The following PXDNL variants were observed in gnomAD, a reference collection of about 807,000 sequenced individuals.
The protein encoded by PXDNL is probable oxidoreductase PXDNL.
PXDNL carries 145 observed loss-of-function variants against 150.8 expected under a neutral mutation model. The observed-to-expected ratio is 0.96, with a 90% CI of 0.84 to 1.10. PXDNL has a LOEUF of 1.10. PXDNL is among the 50% of genes least tolerant of loss of function. PXDNL has a pLI of 0.00. For missense variants in PXDNL, 2,087 were observed against 1,873.9 expected, an observed-to-expected ratio of 1.11 and a Z score of -2.10; for synonymous variants, 757 against 725.7, an observed-to-expected ratio of 1.04 and a Z score of -0.69.
chr8:51,383,973 G>A (rs1807624259), intron 17 of PXDNL, among the ~76,000 whole-genome samples: 1 of 152,158 alleles, frequency 6.6e-6, no homozygotes, highest in Admixed American at 6.6e-5. Flanking sequence ...TTGAGAGAGT[G>A]CAAGATAGAT....
intron 1 of PXDNL, among the ~76,000 whole-genome samples, chr8:51,724,915 C>T (rs1377964414): frequency 6.6e-6 from 1 of 152,178 alleles, no homozygotes; most frequent in Non-Finnish European, 1.5e-5. Flanking sequence ...CTAATTGCTC[C>T]CCTCATCCAG....
At chr8:51,690,917 C>G (rs1157634079) in intron 1 of PXDNL, among the ~76,000 whole-genome samples, 1 of 152,070 alleles carries the variant, frequency 6.6e-6, no homozygotes, top group Non-Finnish European at 1.5e-5. Context: ...TCTCTGATGG[C>G]CAGTGATGAT....
chr8:51,324,226 C>A (rs1805417514), intron 21 of PXDNL, among the ~76,000 whole-genome samples: 2 of 152,178 alleles, frequency 1.3e-5, no homozygotes, highest in South Asian at 4.1e-4. Context: ...GCTGTATCAT[C>A]TGAAAATAGT....
chr8:51,807,366 G>C (rs961268891), intron 1 of PXDNL, among the ~76,000 whole-genome samples: 1 of 150,348 alleles, frequency 6.7e-6, no homozygotes, highest in African/African-American at 2.4e-5. Flanking sequence ...CCTCACTCTC[G>C]CCATGACAAC....
intron 1 of PXDNL, among the ~76,000 whole-genome samples, chr8:51,783,396 A>C (rs564717249): frequency 4.6e-4 from 70 of 152,352 alleles, no homozygotes; most frequent in African/African-American, 1.6e-3. Context: ...AGTGGTTCCA[A>C]ATAGTTGTCC....
intron 17 of PXDNL, among the ~76,000 whole-genome samples, chr8:51,387,864 AACTC>A (rs146689061): frequency 0.025 from 3,729 of 152,176 alleles, 171 homozygotes; most frequent in African/African-American, 0.084. Flanking sequence ...TATTGATACT[AACTC>A]AGTTTTATAT....
At position 51,532,855 on chromosome 8, in the gene PXDNL, T is replaced by A. The variant is rs186490438; in HGVS notation, c.380+23985A>T. ...TTGTTCTCAGATGTAATCATTGAGG[T>A]ACCATACTAACTCCCAAATGCCTAT... On this transcript the variant is annotated intron_variant, in intron 4 of 22. Transcript: ENST00000356297. Among the ~76,000 whole-genome samples, 500 of 152,302 alleles carry A rather than the reference T, an allele frequency of 3.3e-3. 4 individuals carry two copies. Among genetic ancestry groups the A allele is most frequent in the African/African-American group, 8.8e-3 (367 of 41,554 alleles).
intron 16 of PXDNL, 81 bp from the exon 17 acceptor site, chr8:51,409,642 A>G (rs1808570315): frequency 1.7e-6 from 2 of 1,168,776 alleles, no homozygotes; most frequent in Non-Finnish European, 1.2e-6. Flanking sequence ...TGCTGCGGGA[A>G]CCACCTCCCA....
Position 51,474,957 on chromosome 8 carries a change from T to C in PXDNL, c.694+15A>G, listed in dbSNP as rs1440675641. ...GAGACAGTTCTATCTTATGTACACA[T>C]TGAAATTTACGTACGGCAATTGAAT... On this transcript the variant is annotated intron_variant, in intron 7 of 22. Transcript: ENST00000356297. 7 of 1,568,838 alleles carry C rather than the reference T, an allele frequency of 4.5e-6. No individual in the cohort carries two copies. The highest frequency in any genetic ancestry group is 6.1e-6 in the Non-Finnish European group (7 of 1,155,428).
chr8:51,407,845 G>A (rs1808477937), intron 17 of PXDNL, among the ~76,000 whole-genome samples: 1 of 152,140 alleles, frequency 6.6e-6, no homozygotes, highest in Admixed American at 6.5e-5. Context: ...ATAGGAGGCA[G>A]CAATATTTGC....
rs746899350 is a variant in PXDNL, at chr8:51,407,304, A to ATAG, written c.3557+762_3557+763insCTA. Reference sequence around the variant, plus strand: ...GCCTTAGTTTTGCAAAGAAAGGCCTAATCTTGACAATTGGCTATAGAACTT... The same window carrying ATAG: ...GCCTTAGTTTTGCAAAGAAAGGCCTATAGATCTTGACAATTGGCTATAGAACTT... On this transcript the variant is annotated intron_variant, in intron 17 of 22. Coordinates refer to ENST00000356297, the MANE Select transcript of PXDNL (RefSeq NM_144651.5). Among the ~76,000 whole-genome samples the ATAG allele has an allele frequency of 8.7e-4, 132 of 152,340 alleles. 1 individual carries two copies. In the Middle Eastern group the frequency reaches 0.014, roughly 16 times the overall value.
intron 17 of PXDNL, among the ~76,000 whole-genome samples, chr8:51,395,885 C>A (rs890346136): frequency 1.8e-4 from 27 of 152,208 alleles, no homozygotes; most frequent in African/African-American, 6.5e-4. Context: ...CCCACCACCC[C>A]CAACTCTGCC....
intron 1 of PXDNL, among the ~76,000 whole-genome samples, chr8:51,751,482 C>G (rs554417513): frequency 6.6e-6 from 1 of 152,202 alleles, no homozygotes; most frequent in Non-Finnish European, 1.5e-5. Flanking sequence ...TTATTTTACA[C>G]CATGCTGGAG....
At chr8:51,500,809 G>A (rs937959546) in intron 4 of PXDNL, among the ~76,000 whole-genome samples, 46 of 152,162 alleles carry the variant, frequency 3.0e-4, no homozygotes, top group Non-Finnish European at 1.2e-4. Context: ...CTGACTTGAA[G>A]TAATGGCAGG....
At chr8:51,418,284 G>A (rs1472858610) in intron 14 of PXDNL, among the ~76,000 whole-genome samples, 1 of 152,118 alleles carries the variant, frequency 6.6e-6, no homozygotes, top group African/African-American at 2.4e-5. Context: ...TGGCAAGATA[G>A]CAAAGATTGT....
intron 3 of PXDNL, among the ~76,000 whole-genome samples, chr8:51,586,660 T>C (rs553443453): frequency 1.7e-4 from 26 of 152,292 alleles, no homozygotes; most frequent in African/African-American, 6.3e-4. Flanking sequence ...TAGGATACAA[T>C]AGAAATAGGG....
chr8:51,579,881 A>G (rs997958385), intron 3 of PXDNL, among the ~76,000 whole-genome samples: 2 of 152,016 alleles, frequency 1.3e-5, no homozygotes, highest in African/African-American at 2.4e-5. Context: ...TCCTTGTGAT[A>G]GTTTGCTGAG....
At chr8:51,772,438 G>T (rs904900534) in intron 1 of PXDNL, among the ~76,000 whole-genome samples, 1 of 152,104 alleles carries the variant, frequency 6.6e-6, no homozygotes, top group African/African-American at 2.4e-5. Context: ...GGGTGGGTGG[G>T]AGAGCCTGGA....
At chr8:51,411,959 A>G (rs911731799) in intron 15 of PXDNL, among the ~76,000 whole-genome samples, 1 of 152,158 alleles carries the variant, frequency 6.6e-6, no homozygotes, top group East Asian at 1.9e-4. Flanking sequence ...AGTAAAATGT[A>G]CTTGAATTGC....
Sources: gnomAD v4.1 joint callset for allele counts (sites outside exome capture counted in the v4.1 genomes callset) on GRCh38, gnomAD v4.1.1 for gene constraint, MANE v1.5 for transcripts, NCBI Gene and HGNC (gene_info 2026-07-23, HGNC 2026-07-21) for gene names.